The following GCN1 variants were observed in gnomAD, a reference collection of about 807,000 sequenced individuals.
GCN1 encodes the protein GCN1 activator of EIF2AK4, also known as stalled ribosome sensor GCN1.
In GCN1, 90 loss-of-function variants were observed where a neutral mutation model predicts 288.4. The observed-to-expected ratio is 0.31, with a 90% CI of 0.26 to 0.37. The LOEUF is 0.37. Among genes scored for constraint, GCN1 ranks in the 10% least tolerant of loss-of-function variants. GCN1 has a pLI of 1.00. For synonymous variants in GCN1, 1,386 were observed against 1,420.2 expected (o/e 0.98, Z 0.54); for missense variants, 2,586 against 3,419.9 (o/e 0.76, Z 6.08).
intron 37 of GCN1, 142 bp from the exon 38 acceptor site, chr12:120,147,414 G>A (rs560244386): frequency 1.8e-4 from 84 of 460,366 alleles, no homozygotes; most frequent in African/African-American, 1.5e-3. Flanking sequence ...ACCAGCTGGG[G>A]AAGACAGGAA....
chr12:120,142,420 C>T lies in GCN1; in HGVS notation c.5829+87G>A, dbSNP rs1035274017. On this transcript the variant is annotated intron_variant, in intron 44 of 57. Transcript: ENST00000300648. This position sits in a 1 kb window ranked among gnomAD's most constrained non-coding sequence, Gnocchi z 4.9. ...CTCTGTTAGGCAGGGTGGATGGGTA[C>T]TTTCCCAGGCTCTGCAGACCCAGCC... 17 of 916,680 alleles carry T rather than the reference C, an allele frequency of 1.9e-5. No homozygotes were observed. The African/African-American group carries it at 2.8e-4, about 15-fold the overall frequency. The allele number at this position is 916,680 out of a possible 1,614,324, so 56.8% of individuals were successfully genotyped here.
rs1440411067 is a variant in GCN1, at chr12:120,161,870, G to A, written c.2342+10C>T. ...AGCAAAGGAAACTGAGCCCATAAGT[G>A]AGGTCTCACCTCTGAATGATGGATT... On this transcript the variant is annotated intron_variant, in intron 21 of 57. Coordinates refer to ENST00000300648, the MANE Select transcript of GCN1 (RefSeq NM_006836.2). The A allele has an allele frequency of 6.2e-7, 1 of 1,612,752 alleles. No individual in the cohort carries two copies. Among genetic ancestry groups the A allele is most frequent in the African/African-American group, 1.3e-5 (1 of 74,894 alleles).
chr12:120,170,865 TA>T (rs765630742), intron 14 of GCN1, among the ~76,000 whole-genome samples: 8 of 143,696 alleles, frequency 5.6e-5, no homozygotes, highest in Non-Finnish European at 7.7e-5. Flanking sequence ...TAAACTCTTT[TA>T]AAAAAAAAAG....
intron 1 of GCN1, among the ~76,000 whole-genome samples, chr12:120,192,971 G>A (rs983445972): frequency 2.6e-5 from 4 of 152,170 alleles, no homozygotes; most frequent in African/African-American, 7.2e-5. Context: ...GGGAGGCAGA[G>A]GTTGCAGTGA....
chr12:120,129,613 G>A, intron 56 of GCN1, 119 bp from the exon 57 acceptor site: 1 of 744,100 alleles, frequency 1.3e-6, no homozygotes, highest in South Asian at 1.6e-5. Context: ...CCCTGCTCCT[G>A]TGGGAGGGTC....
chr12:120,154,146 T>G (rs919085655), intron 31 of GCN1, among the ~76,000 whole-genome samples: 1 of 152,236 alleles, frequency 6.6e-6, no homozygotes, highest in Non-Finnish European at 1.5e-5. Context: ...TGACCAGCCC[T>G]GTGTTGGTTT....
chr12:120,175,160 A>T lies in GCN1; in HGVS notation c.1093+2T>A. 6.4e-7 allele frequency: 1 copy of T among 1,561,312 alleles called. No homozygotes were observed. The highest frequency in any genetic ancestry group is 8.8e-7 in the Non-Finnish European group (1 of 1,138,004). ...AAAAAAAAAAAAAAAGAAATCCTAT[A>T]CCTGAGAGGACGCTCATCTTCTGGG... On this transcript the variant is annotated splice_donor_variant, in intron 12 of 57. Coordinates refer to ENST00000300648, the MANE Select transcript of GCN1 (RefSeq NM_006836.2). LOFTEE classifies it high-confidence loss of function.
In GCN1 at chr12:120,164,330, C is replaced by A. The variant is rs1337172456; in HGVS notation, c.1848+6G>T. The A allele has an allele frequency of 6.2e-7, 1 of 1,611,070 alleles. No homozygotes were observed. Among genetic ancestry groups the A allele is most frequent in the South Asian group, 1.1e-5 (1 of 90,900 alleles). ...AGCCCCAGTTCTAGAGCCCAGATGC[C>A]CTCACCTTGTGAGAACTGAGGACAG... is the stretch of plus-strand genomic sequence containing the variant. On this transcript the variant is annotated splice_donor_region_variant and intron_variant, in intron 18 of 57. Transcript: ENST00000300648.
At chr12:120,188,588 C>T (rs977309501) in intron 2 of GCN1, among the ~76,000 whole-genome samples, 3 of 151,930 alleles carry the variant, frequency 2.0e-5, no homozygotes, top group South Asian at 2.1e-4. Context: ...TTTGGCTGGG[C>T]GCGGTGGCTC....
chr12:120,172,429 T>C (rs1405741351), intron 14 of GCN1, among the ~76,000 whole-genome samples: 1 of 152,188 alleles, frequency 6.6e-6, no homozygotes, highest in African/African-American at 2.4e-5. Flanking sequence ...AAAAGAAATA[T>C]GTGAGTACAA....
intron 51 of GCN1, among the ~76,000 whole-genome samples, chr12:120,135,590 C>T (rs1454949060): frequency 1.3e-5 from 2 of 152,018 alleles, no homozygotes; most frequent in Admixed American, 6.6e-5. Context: ...CTCGAACTCC[C>T]GACCTCAGGT....
rs902939149 is a variant in GCN1, at chr12:120,140,733, A to G, written c.5994+126T>C. On this transcript the variant is annotated intron_variant, in intron 45 of 57. Transcript: ENST00000300648. ...GCCCAGCCAGCACCTCCCCAGAGTGAGACTGGCTCATCCCTGAGGGCAGCA... is the reference window on the plus strand; with the variant it reads ...GCCCAGCCAGCACCTCCCCAGAGTGGGACTGGCTCATCCCTGAGGGCAGCA... The G allele has an allele frequency of 3.4e-5, 28 of 833,338 alleles. No individual in the cohort carries two copies. The African/African-American group carries it at 4.1e-4, about 12-fold the overall frequency. The allele number at this position is 833,338 out of a possible 1,614,324, so 51.6% of individuals were successfully genotyped here.
chr12:120,158,846 A>G lies in GCN1; in HGVS notation c.2750-231T>C, dbSNP rs113560565. ...GCTAACACGGTGAAACCCCATCTCTACTAAAAATACAAAAAATTAGCTGGG... is the reference window on the plus strand; with the variant it reads ...GCTAACACGGTGAAACCCCATCTCTGCTAAAAATACAAAAAATTAGCTGGG... On this transcript the variant is annotated intron_variant, in intron 24 of 57. Transcript: ENST00000300648. This position sits in a 1 kb window ranked among gnomAD's most constrained non-coding sequence, Gnocchi z 4.3. 1.5e-3 allele frequency among the ~76,000 whole-genome samples: 229 copies of G among 152,086 alleles called. No individual in the cohort carries two copies. The highest frequency in any genetic ancestry group is 5.3e-3 in the African/African-American group (221 of 41,504).
chr12:120,158,696 T>C lies in GCN1; in HGVS notation c.2750-81A>G. 10 of 1,175,478 alleles carry C rather than the reference T, an allele frequency of 8.5e-6. No individual in the cohort carries two copies. The highest frequency in any genetic ancestry group is 3.1e-5 in the South Asian group (2 of 64,652). 72.8% of individuals were successfully genotyped at this position (1,175,478 alleles called of 1,614,324 possible). A position where few individuals can be genotyped will look rare whatever the true frequency, so the allele number is the denominator to read the frequency against. On this transcript the variant is annotated intron_variant, in intron 24 of 57. Coordinates refer to ENST00000300648, the MANE Select transcript of GCN1 (RefSeq NM_006836.2). The surrounding 1 kb of genome is among the most constrained non-coding windows in gnomAD (Gnocchi z 4.3). ...GCCCAGGCTAAAACAGGGGACCCAG[T>C]GCCTCATCCTTCTGACTTAAAAAAA... is the stretch of plus-strand genomic sequence containing the variant.
At chr12:120,187,208 A>C (rs1790360412) in intron 2 of GCN1, among the ~76,000 whole-genome samples, 2 of 144,988 alleles carry the variant, frequency 1.4e-5, no homozygotes, top group South Asian at 4.4e-4. Flanking sequence ...TATGGCCATG[A>C]TTTTCTTTTT....
intron 51 of GCN1, among the ~76,000 whole-genome samples, chr12:120,135,081 A>G (rs897339404): frequency 6.6e-6 from 1 of 152,236 alleles, no homozygotes; most frequent in African/African-American, 2.4e-5. Flanking sequence ...CAAGCAGGGC[A>G]GACTATCGGC....
intron 1 of GCN1, among the ~76,000 whole-genome samples, chr12:120,192,053 TA>T (rs1437135819): frequency 6.6e-6 from 1 of 152,234 alleles, no homozygotes; most frequent in Non-Finnish European, 1.5e-5. Context: ...ATCCATTTAA[TA>T]AACTCTGATT....
At chr12:120,172,637 G>A (rs1223809575) in intron 14 of GCN1, among the ~76,000 whole-genome samples, 1 of 152,102 alleles carries the variant, frequency 6.6e-6, no homozygotes, top group East Asian at 1.9e-4. Flanking sequence ...AGCCTCCCGA[G>A]TAGCTGGGAT....
chr12:120,182,361 T>C (rs887212457), intron 5 of GCN1, among the ~76,000 whole-genome samples: 4 of 152,116 alleles, frequency 2.6e-5, no homozygotes, highest in African/African-American at 9.7e-5. Flanking sequence ...AGCCATTCCA[T>C]GTTTGTCCCC....
Sources: allele counts gnomAD v4.1 joint callset (sites outside exome capture counted in the v4.1 genomes callset), GRCh38; gene constraint gnomAD v4.1.1; non-coding constraint Gnocchi (gnomAD v3.1); transcripts MANE v1.5; gene names NCBI Gene and HGNC (gene_info 2026-07-23, HGNC 2026-07-21).